SLC12A8: variants seen among roughly 807,000 people sequenced by gnomAD.
SLC12A8 encodes cation-chloride cotransporter 9.
A neutral mutation model predicts 75.6 loss-of-function variants in SLC12A8; 69 were observed. That is an observed-to-expected ratio of 0.91 (90% CI 0.75 to 1.11). The LOEUF (loss-of-function observed/expected upper bound fraction) is 1.11, where lower values mean the gene tolerates loss of function less well. Among genes scored for constraint, SLC12A8 ranks in the 50% most tolerant of loss-of-function variants. The probability of loss-of-function intolerance (pLI) is 0.00; values close to 1 mark genes in which losing one functional copy is unlikely to be tolerated. For synonymous variants in SLC12A8, 365 were observed against 372.8 expected (o/e 0.98, Z 0.24); for missense variants, 877 against 896.7 (o/e 0.98, Z 0.28).
chr3:125,091,526 T>A lies in SLC12A8; in HGVS notation c.1834A>T (p.Ile612Leu). 1 of 1,613,858 alleles carries A rather than the reference T, an allele frequency of 6.2e-7. No individual in the cohort carries two copies. The highest frequency in any genetic ancestry group is 8.5e-7 in the Non-Finnish European group (1 of 1,179,832). Reference protein sequence around the residue: ...AVGSLLIMFVIQWVYTLVNMG... With the variant: ...AVGSLLIMFVLQWVYTLVNMG... ...TTAACCAGGGTATACACCCACTGTA[T>A]CACAAACATGATGAGAAGGGACCCA... The change falls in exon 12 of 14, where the codon ATA (isoleucine) becomes TTA (leucine). Residue 612 changes from isoleucine to leucine, a missense_variant. Transcript: ENST00000469902.
chr3:125,115,178 C>T (rs1939278210), intron 8 of SLC12A8, among the ~76,000 whole-genome samples: 1 of 152,164 alleles, frequency 6.6e-6, no homozygotes, highest in African/African-American at 2.4e-5. Flanking sequence ...TTTAAGAACA[C>T]ACATACACCT....
intron 2 of SLC12A8, chr3:125,206,555 T>C (rs910361488): frequency 1.3e-5 from 2 of 152,326 alleles, no homozygotes; most frequent in East Asian, 1.9e-4. Context: ...CCAGGCTCTA[T>C]CTTACCACAC....
At chr3:125,198,999 CG>C (rs1363187712) in intron 2 of SLC12A8, among the ~76,000 whole-genome samples, 1 of 151,886 alleles carries the variant, frequency 6.6e-6, no homozygotes, top group East Asian at 1.9e-4. Flanking sequence ...AGGATGGTCT[CG>C]ATCTCCTGAC....
rs186869381 is a variant in SLC12A8, at chr3:125,133,209, G to T, written c.736+2460C>A. Reference sequence around the variant, plus strand: ...GGAAAATCAATTAAAGATGATTAAAGTTATTGTCTTTTTCATTTTAACAGC... The same window carrying T: ...GGAAAATCAATTAAAGATGATTAAATTTATTGTCTTTTTCATTTTAACAGC... On this transcript the variant is annotated intron_variant, in intron 6 of 13. Coordinates refer to ENST00000469902, the MANE Select transcript of SLC12A8 (RefSeq NM_024628.6). Among the ~76,000 whole-genome samples, 111 of 152,152 alleles carry T rather than the reference G, an allele frequency of 7.3e-4. 1 individual carries two copies. The highest frequency in any genetic ancestry group is 1.2e-3 in the Non-Finnish European group (82 of 67,992).
At chr3:125,126,068 C>T (rs557916599) in intron 6 of SLC12A8, 2 of 217,908 alleles carry the variant, frequency 9.2e-6, no homozygotes, top group South Asian at 1.6e-4. Flanking sequence ...CAACGATGAT[C>T]TGTCTGGTCT....
At chr3:125,112,084 G>A (rs904094558) in intron 8 of SLC12A8, among the ~76,000 whole-genome samples, 8 of 152,128 alleles carry the variant, frequency 5.3e-5, no homozygotes, top group African/African-American at 1.9e-4. Context: ...AAAGAGGTCT[G>A]GTCCATTGGG....
intron 10 of SLC12A8, among the ~76,000 whole-genome samples, chr3:125,094,228 C>T (rs1938657357): frequency 1.3e-5 from 2 of 152,178 alleles, no homozygotes; most frequent in African/African-American, 4.8e-5. Context: ...TCATAGTCTA[C>T]AGAGGGACCT....
chr3:125,113,864 C>T (rs115657676), intron 8 of SLC12A8, among the ~76,000 whole-genome samples: 436 of 152,254 alleles, frequency 2.9e-3, no homozygotes, highest in Non-Finnish European at 5.1e-3. Flanking sequence ...ACTTGAGCTT[C>T]GGTCATTGAG....
Position 125,083,885 on chromosome 3 carries a change from T to C in SLC12A8, c.*5A>G. The C allele has an allele frequency of 6.2e-7, 1 of 1,611,290 alleles. No homozygotes were observed. Among genetic ancestry groups the C allele is most frequent in the South Asian group, 1.1e-5 (1 of 90,258 alleles). ...CTCCAAAAGAGGAAGGTCCCAGCAC[T>C]GCATCTAGTAGTGAGGCATCAGCTG... On this transcript the variant is annotated 3_prime_UTR_variant, in exon 14 of 14. Coordinates refer to ENST00000469902, the MANE Select transcript of SLC12A8 (RefSeq NM_024628.6).
At chr3:125,131,196 G>T (rs529286593) in intron 6 of SLC12A8, among the ~76,000 whole-genome samples, 3 of 152,188 alleles carry the variant, frequency 2.0e-5, no homozygotes, top group Non-Finnish European at 4.4e-5. Flanking sequence ...GAGGCAGAGA[G>T]GAAGCAGAAT....
At chr3:125,098,567 CA>C (rs1938778180) in intron 10 of SLC12A8, among the ~76,000 whole-genome samples, 1 of 151,496 alleles carries the variant, frequency 6.6e-6, no homozygotes, top group African/African-American at 2.4e-5. Context: ...CACACACACA[CA>C]CACACACACA....
intron 5 of SLC12A8, among the ~76,000 whole-genome samples, chr3:125,162,977 A>C (rs9837500): frequency 0.13 from 20,275 of 152,120 alleles, 2,982 homozygotes; most frequent in African/African-American, 0.37. Context: ...AAGAAAAAGA[A>C]AAAAAGACAG....
At chr3:125,125,244 C>T (rs1579488382) in intron 6 of SLC12A8, among the ~76,000 whole-genome samples, 1 of 151,902 alleles carries the variant, frequency 6.6e-6, no homozygotes, top group Non-Finnish European at 1.5e-5. Flanking sequence ...TCTTGGCGGG[C>T]TTCCAAAAAT....
chr3:125,094,728 C>T (rs770557885), intron 10 of SLC12A8, among the ~76,000 whole-genome samples: 3 of 152,246 alleles, frequency 2.0e-5, no homozygotes, highest in Non-Finnish European at 2.9e-5. Context: ...AGCAAACCTC[C>T]TCAAAAGAAT....
rs1938358946 is a variant in SLC12A8, at chr3:125,082,797, T to C, written c.*1093A>G. ...TGTACAAGATTATTCACTGCAGAGC[T>C]GATTGTCATTGCAAAAGATTGGAAA... On this transcript the variant is annotated 3_prime_UTR_variant, in exon 14 of 14. Coordinates refer to ENST00000469902, the MANE Select transcript of SLC12A8 (RefSeq NM_024628.6). 6.6e-6 allele frequency: 1 copy of C among 152,228 alleles called. No individual in the cohort carries two copies. Among genetic ancestry groups the C allele is most frequent in the African/African-American group, 2.4e-5 (1 of 41,460 alleles). 9.4% of individuals were successfully genotyped at this position (152,228 alleles called of 1,614,324 possible).
intron 5 of SLC12A8, among the ~76,000 whole-genome samples, chr3:125,156,789 C>T (rs1357382867): frequency 6.6e-6 from 1 of 152,214 alleles, no homozygotes; most frequent in African/African-American, 2.4e-5. Context: ...GGGCCCCAGC[C>T]TCAGTCCCTC....
intron 5 of SLC12A8, among the ~76,000 whole-genome samples, chr3:125,153,748 C>A (rs1427835801): frequency 6.6e-6 from 1 of 152,122 alleles, no homozygotes; most frequent in Non-Finnish European, 1.5e-5. Context: ...AAGCGATTCT[C>A]CTGCCTCACC....
intron 8 of SLC12A8, 86 bp from the exon 9 acceptor site, chr3:125,110,421 A>G (rs959763426): frequency 1.5e-6 from 2 of 1,361,546 alleles, no homozygotes; most frequent in African/African-American, 1.4e-5. Flanking sequence ...CCTGCACCCC[A>G]TGCAATCATC....
chr3:125,101,281 C>T (rs1023136110), intron 10 of SLC12A8, among the ~76,000 whole-genome samples: 6 of 152,206 alleles, frequency 3.9e-5, no homozygotes, highest in African/African-American at 1.4e-4. Flanking sequence ...AGCGAAATAG[C>T]TCATATTAAA....
Sources: allele counts gnomAD v4.1 joint callset (sites outside exome capture counted in the v4.1 genomes callset), GRCh38; gene constraint gnomAD v4.1.1; transcripts MANE v1.5; gene names NCBI Gene and HGNC (gene_info 2026-07-23, HGNC 2026-07-21).